RANBP9: variants seen among roughly 807,000 people sequenced by gnomAD.
RANBP9 encodes ran-binding protein 9.
A neutral mutation model predicts 84.3 loss-of-function variants in RANBP9; 15 were observed. The ratio of observed to expected loss-of-function variants is 0.18; its 90% confidence interval spans 0.12 to 0.27. RANBP9 has a LOEUF of 0.27. RANBP9 is among the 10% of genes least tolerant of loss of function. RANBP9 has a pLI of 1.00. For missense variants in RANBP9, 809 were observed against 912.8 expected (o/e 0.89, Z 1.46); for synonymous variants, 392 against 349.6 (o/e 1.12, Z -1.35).
At chr6:13,706,620 G>C (rs1399100920) in intron 1 of RANBP9, among the ~76,000 whole-genome samples, 1 of 151,726 alleles carries the variant, frequency 6.6e-6, no homozygotes, top group Non-Finnish European at 1.5e-5. Context: ...TTGAACCCGG[G>C]AGGCGGAGGT....
chr6:13,633,725 T>G (rs144076769), intron 11 of RANBP9, among the ~76,000 whole-genome samples: 1 of 152,304 alleles, frequency 6.6e-6, no homozygotes, highest in East Asian at 1.9e-4. Context: ...TAAAAAACAA[T>G]TTTAGTAATA....
chr6:13,642,458 C>T (rs764776230), intron 7 of RANBP9, 21 bp downstream of exon 7: 25 of 1,320,572 alleles, frequency 1.9e-5, no homozygotes, highest in Non-Finnish European at 2.3e-5. Flanking sequence ...AAATGTTAGC[C>T]ATGCACCACA....
intron 5 of RANBP9, among the ~76,000 whole-genome samples, chr6:13,651,266 C>G (rs1025094963): frequency 1.3e-5 from 2 of 152,108 alleles, no homozygotes; most frequent in Non-Finnish European, 2.9e-5. Flanking sequence ...AAATAAGATA[C>G]GTGGAATCAA....
At chr6:13,697,740 G>T (rs1440643426) in intron 1 of RANBP9, among the ~76,000 whole-genome samples, 2 of 152,132 alleles carry the variant, frequency 1.3e-5, no homozygotes, top group Non-Finnish European at 2.9e-5. Context: ...GAAGAATAAA[G>T]AAAGAAGTTG....
chr6:13,658,640 C>A (rs1467013218), intron 3 of RANBP9, 140 bp downstream of exon 3: 2 of 773,888 alleles, frequency 2.6e-6, no homozygotes, highest in African/African-American at 3.5e-5. Flanking sequence ...AAACCCCACT[C>A]AGCTTTCACT....
At chr6:13,633,226 G>A (rs1048173318) in intron 11 of RANBP9, among the ~76,000 whole-genome samples, 4 of 152,042 alleles carry the variant, frequency 2.6e-5, no homozygotes, top group Admixed American at 6.6e-5. Flanking sequence ...AGTAGAAATG[G>A]GGTTTCACCA....
At chr6:13,685,265 G>A (rs1254520582) in intron 2 of RANBP9, among the ~76,000 whole-genome samples, 1 of 152,134 alleles carries the variant, frequency 6.6e-6, no homozygotes, top group Non-Finnish European at 1.5e-5. Flanking sequence ...GAACAGCTAT[G>A]GATGTGCCTT....
chr6:13,680,757 G>GA (rs35137292), intron 2 of RANBP9, among the ~76,000 whole-genome samples: 1,394 of 127,910 alleles, frequency 0.011, 12 homozygotes, highest in African/African-American at 0.024. Context: ...GTCTGTCTCG[G>GA]AAAAAAAAAA....
At chr6:13,696,980 G>T in intron 1 of RANBP9, 84 bp from the exon 2 acceptor site, 1 of 1,134,956 alleles carries the variant, frequency 8.8e-7, no homozygotes, top group South Asian at 1.4e-5. Context: ...GGAACATATA[G>T]GTTTTTGGAA....
In RANBP9 at chr6:13,711,176, C is replaced by T. The variant is rs1246859089; in HGVS notation, c.330G>A (p.Ala110=). ...GGGCTCCTCCAGCCGGGCCGGGGCC[C>T]GCTGCAAGGCCCGGGGGAGCGGGCG... ...SGPPAPPGLA[A]GPGPAGGAPT... The change falls in exon 1 of 14, where the codon GCG becomes GCA. Residue 110 remains alanine, a synonymous_variant. Coordinates refer to ENST00000011619, the MANE Select transcript of RANBP9 (RefSeq NM_005493.3). 1 of 1,395,242 alleles carries T rather than the reference C, an allele frequency of 7.2e-7. No homozygotes were observed. The highest frequency in any genetic ancestry group is 9.3e-7 in the Non-Finnish European group (1 of 1,078,354). The allele number at this position is 1,395,242 out of a possible 1,614,324, so 86.4% of individuals were successfully genotyped here. A position where few individuals can be genotyped will look rare whatever the true frequency, so the allele number is the denominator to read the frequency against.
At chr6:13,624,168 C>T (rs1764535179) in intron 13 of RANBP9, among the ~76,000 whole-genome samples, 2 of 152,192 alleles carry the variant, frequency 1.3e-5, no homozygotes, top group Non-Finnish European at 2.9e-5. Flanking sequence ...AGAACTACAA[C>T]ACTGAGGACA....
intron 2 of RANBP9, among the ~76,000 whole-genome samples, chr6:13,684,273 A>G (rs1766114857): frequency 6.6e-6 from 1 of 152,174 alleles, no homozygotes; most frequent in African/African-American, 2.4e-5. Context: ...TATGCCCTAC[A>G]CTTAGCCAAA....
At chr6:13,627,690 C>T (rs931532254) in intron 12 of RANBP9, among the ~76,000 whole-genome samples, 3 of 148,472 alleles carry the variant, frequency 2.0e-5, no homozygotes, top group African/African-American at 7.4e-5. Flanking sequence ...TTGCTCAAGA[C>T]TTAATTTACC....
chr6:13,688,776 C>T (rs1354456331), intron 2 of RANBP9, among the ~76,000 whole-genome samples: 1 of 151,740 alleles, frequency 6.6e-6, no homozygotes, highest in Admixed American at 6.6e-5. Flanking sequence ...AGCAGTCTTG[C>T]AGACCGCCAT....
At chr6:13,706,668 G>A (rs1446547601) in intron 1 of RANBP9, among the ~76,000 whole-genome samples, 1 of 148,764 alleles carries the variant, frequency 6.7e-6, no homozygotes, top group Non-Finnish European at 1.5e-5. Flanking sequence ...ACTCCAGCCT[G>A]ACAACAGCAG....
chr6:13,663,933 G>C (rs1765589772), intron 2 of RANBP9, among the ~76,000 whole-genome samples: 1 of 152,054 alleles, frequency 6.6e-6, no homozygotes, highest in East Asian at 1.9e-4. Context: ...GCTTAATAGT[G>C]AAATACTGAA....
In RANBP9 at chr6:13,644,523, A is replaced by G. The variant is rs374079346; in HGVS notation, c.1112+22T>C. ...AAAAAACAGATTCTGAATAGCATCA[A>G]TTGAAATTTCTTCACTCTTACTTTT... On this transcript the variant is annotated intron_variant, in intron 6 of 13. Coordinates refer to ENST00000011619, the MANE Select transcript of RANBP9 (RefSeq NM_005493.3). The G allele has an allele frequency of 4.0e-5, 64 of 1,597,818 alleles. 2 individuals carry two copies. The Middle Eastern group carries it at 6.6e-4, about 17-fold the overall frequency.
Position 13,632,443 on chromosome 6 carries a change from C to T in RANBP9, c.1874G>A (p.Arg625Gln), listed in dbSNP as rs770666534. ...AAIERMIHFGRELQAMSEQLR... is the reference protein window; with the variant it reads ...AAIERMIHFGQELQAMSEQLR... The stretch of plus-strand genomic sequence containing the variant: ...CTGTTCACTCATTGCTTGCAGCTCT[C>T]GTCCAAAGTGGATCATTCTTTCTAT... The change falls in exon 12 of 14, where the codon CGA (arginine) becomes CAA (glutamine). Residue 625 changes from arginine to glutamine, a missense_variant. Arg to Gln is a conservative substitution (Grantham distance 43, BLOSUM62 1). Coordinates refer to ENST00000011619, the MANE Select transcript of RANBP9 (RefSeq NM_005493.3). 6.2e-6 allele frequency: 10 copies of T among 1,613,894 alleles called. No homozygotes were observed. Among genetic ancestry groups the T allele is most frequent in the African/African-American group, 2.7e-5 (2 of 74,902 alleles).
intron 9 of RANBP9, among the ~76,000 whole-genome samples, chr6:13,638,932 T>A (rs1174143258): frequency 6.6e-6 from 1 of 152,132 alleles, no homozygotes; most frequent in African/African-American, 2.4e-5. Context: ...CACAGCCACA[T>A]CACCTTTAAA....
Sources: allele counts gnomAD v4.1 joint callset (sites outside exome capture counted in the v4.1 genomes callset), GRCh38; gene constraint gnomAD v4.1.1; transcripts MANE v1.5; gene names NCBI Gene and HGNC (gene_info 2026-07-23, HGNC 2026-07-21).